The following SLC7A2 variants were observed in gnomAD, a reference collection of about 807,000 sequenced individuals.
The protein encoded by SLC7A2 is cationic amino acid transporter 2.
Under a neutral mutation model 58.9 loss-of-function variants are expected in SLC7A2, and 48 were observed. The observed-to-expected ratio is 0.82, with a 90% CI of 0.65 to 1.04. The LOEUF is 1.04. SLC7A2 is among the 50% of genes least tolerant of loss of function. SLC7A2 has a pLI of 0.00. For synonymous variants in SLC7A2, 363 were observed against 314.5 expected, an observed-to-expected ratio of 1.15 and a Z score of -1.63; for missense variants, 1,029 against 818.8, an observed-to-expected ratio of 1.26 and a Z score of -3.13.
intron 4 of SLC7A2, among the ~76,000 whole-genome samples, chr8:17,548,401 A>C (rs1268092144): frequency 1.8e-4 from 27 of 152,222 alleles, no homozygotes; most frequent in Admixed American, 1.8e-3. Context: ...TTTACCTATC[A>C]CTGGCAAAGA....
At chr8:17,548,632 G>A (rs1802290269) in intron 4 of SLC7A2, 46 bp from the exon 5 acceptor site, 1 of 1,440,272 alleles carries the variant, frequency 6.9e-7, no homozygotes, top group Non-Finnish European at 9.6e-7. Context: ...AAATGCTATT[G>A]CCTTTCCTAA....
Position 17,564,936 on chromosome 8 carries a change from T to C in SLC7A2, c.1781-14T>C. 1.9e-6 allele frequency: 3 copies of C among 1,553,234 alleles called. 1 individual carries two copies. The East Asian group carries it at 6.8e-5, about 35-fold the overall frequency. ...TACCTGAAACATTGATTTTTTTTTT[T>C]CCTGCCCCAACAGGCTTCCTGATTT... On this transcript the variant is annotated splice_polypyrimidine_tract_variant and intron_variant, in intron 12 of 12. Coordinates refer to ENST00000494857, the MANE Select transcript of SLC7A2 (RefSeq NM_001370338.1).
At chr8:17,550,860 A>G (rs983478255) in intron 6 of SLC7A2, among the ~76,000 whole-genome samples, 3 of 152,152 alleles carry the variant, frequency 2.0e-5, no homozygotes, top group African/African-American at 7.2e-5. Flanking sequence ...TTTCTATGTT[A>G]TCTTATACAA....
intron 4 of SLC7A2, among the ~76,000 whole-genome samples, chr8:17,548,237 T>C (rs1433796798): frequency 2.6e-5 from 4 of 152,068 alleles, no homozygotes; most frequent in African/African-American, 4.8e-5. Context: ...GCTACTCAGG[T>C]GGCTGAGGTG....
At chr8:17,533,181 G>T (rs974862857) in intron 2 of SLC7A2, among the ~76,000 whole-genome samples, 28 of 152,244 alleles carry the variant, frequency 1.8e-4, no homozygotes, top group African/African-American at 6.7e-4. Flanking sequence ...GTATGAACTT[G>T]CAAACTTCTC....
At chr8:17,518,459 G>A (rs1481656330) in intron 2 of SLC7A2, among the ~76,000 whole-genome samples, 1 of 152,142 alleles carries the variant, frequency 6.6e-6, no homozygotes, top group Non-Finnish European at 1.5e-5. Context: ...AGCTGCCTGT[G>A]CTTCACTTTC....
At chr8:17,535,651 C>T (rs1801632863) in intron 2 of SLC7A2, among the ~76,000 whole-genome samples, 1 of 152,112 alleles carries the variant, frequency 6.6e-6, no homozygotes, top group Admixed American at 6.5e-5. Context: ...GCCTGTAATC[C>T]CAGCACTTTG....
At chr8:17,564,664 T>C (rs1391438253) in intron 12 of SLC7A2, among the ~76,000 whole-genome samples, 3 of 152,132 alleles carry the variant, frequency 2.0e-5, no homozygotes, top group Non-Finnish European at 4.4e-5. Context: ...GAGAATCTAA[T>C]GCTGCCCTGC....
intron 8 of SLC7A2, 35 bp downstream of exon 8, chr8:17,554,734 G>C (rs200478858): frequency 3.3e-4 from 522 of 1,582,916 alleles, no homozygotes; most frequent in Middle Eastern, 6.8e-4. Flanking sequence ...AGAAACGGGG[G>C]ATCTTTTTCA....
chr8:17,570,471 T>C lies in SLC7A2; in HGVS notation c.*5325T>C, dbSNP rs1433241247. On this transcript the variant is annotated 3_prime_UTR_variant, in exon 13 of 13. Transcript: ENST00000494857. The stretch of plus-strand genomic sequence containing the variant: ...TTTTACTTATAAAGTTGGATTCTTT[T>C]TTAGAATTTGTAATAAATAAAAACT... The C allele has an allele frequency of 6.6e-6, 1 of 152,632 alleles. No individual in the cohort carries two copies. Among genetic ancestry groups the C allele is most frequent in the East Asian group, 1.9e-4 (1 of 5,196 alleles). 9.5% of individuals were successfully genotyped at this position (152,632 alleles called of 1,614,324 possible). A position where few individuals can be genotyped will look rare whatever the true frequency, so the allele number is the denominator to read the frequency against.
chr8:17,530,911 T>C (rs1801424996), intron 2 of SLC7A2, among the ~76,000 whole-genome samples: 1 of 152,196 alleles, frequency 6.6e-6, no homozygotes, highest in African/African-American at 2.4e-5. Context: ...AATCTCATTC[T>C]TTATATAATA....
chr8:17,547,215 T>C (rs1384656701), intron 4 of SLC7A2, among the ~76,000 whole-genome samples: 2 of 150,528 alleles, frequency 1.3e-5, no homozygotes, highest in African/African-American at 2.4e-5. Flanking sequence ...CTCACAGTCA[T>C]GGTGGAAGGT....
At position 17,544,748 on chromosome 8, in the gene SLC7A2, G is replaced by T. The variant is rs1802085263; in HGVS notation, c.532+142G>T. ...TTTATGTCACTGTTAGACATCTGTG[G>T]GGTTTATCACTGGCTGGAATCACAT... On this transcript the variant is annotated intron_variant, in intron 4 of 12. Transcript: ENST00000494857. 5.7e-6 allele frequency: 4 copies of T among 696,908 alleles called. No homozygotes were observed. The Admixed American group carries it at 9.1e-5, about 16-fold the overall frequency. 43.2% of individuals were successfully genotyped at this position (696,908 alleles called of 1,614,324 possible).
rs558607719 is a variant in SLC7A2 at position 17,531,528 on chromosome 8, C to A, written c.-22-11790C>A. On this transcript the variant is annotated intron_variant, in intron 2 of 12. Transcript: ENST00000494857. Reference sequence around the variant, plus strand: ...TTATGAATTATATTCTTTGTAAAACCTACTTTTCACACTTTATTTAAATAT... The same window carrying A: ...TTATGAATTATATTCTTTGTAAAACATACTTTTCACACTTTATTTAAATAT... 4.0e-3 allele frequency among the ~76,000 whole-genome samples: 611 copies of A among 152,052 alleles called. 5 individuals are homozygous for A. Among genetic ancestry groups the A allele is most frequent in the Non-Finnish European group, 7.0e-3 (476 of 67,974 alleles).
chr8:17,518,461 T>C (rs1800886945), intron 2 of SLC7A2, among the ~76,000 whole-genome samples: 1 of 152,170 alleles, frequency 6.6e-6, no homozygotes, highest in African/African-American at 2.4e-5. Context: ...CTGCCTGTGC[T>C]TCACTTTCTG....
chr8:17,546,048 G>T (rs1403714071), intron 4 of SLC7A2, among the ~76,000 whole-genome samples: 1 of 152,190 alleles, frequency 6.6e-6, no homozygotes, highest in Non-Finnish European at 1.5e-5. Flanking sequence ...AATGTCAAGA[G>T]AAGTTGCACC....
chr8:17,560,601 T>A, intron 10 of SLC7A2, 68 bp downstream of exon 10: 3 of 1,376,586 alleles, frequency 2.2e-6, no homozygotes, highest in Non-Finnish European at 2.1e-6. Context: ...TGGCATGATA[T>A]GAAAGAGAAA....
At chr8:17,545,500 C>G (rs145931888) in intron 4 of SLC7A2, among the ~76,000 whole-genome samples, 1 of 144,234 alleles carries the variant, frequency 6.9e-6, no homozygotes, top group Non-Finnish European at 1.5e-5. Flanking sequence ...CGGGTGCAAG[C>G]GATTCTTCTG....
Position 17,565,213 on chromosome 8 carries a change from G to C in SLC7A2, c.*67G>C. Reference sequence around the variant, plus strand: ...TCCTACACTGAGTAAACCGTAACGGGATGTCATCAGCATGCTGGGTTGTCA... The same window carrying C: ...TCCTACACTGAGTAAACCGTAACGGCATGTCATCAGCATGCTGGGTTGTCA... On this transcript the variant is annotated 3_prime_UTR_variant, in exon 13 of 13. Coordinates refer to ENST00000494857, the MANE Select transcript of SLC7A2 (RefSeq NM_001370338.1). The C allele has an allele frequency of 8.0e-7, 1 of 1,251,574 alleles. No homozygotes were observed. Among genetic ancestry groups the C allele is most frequent in the African/African-American group, 1.5e-5 (1 of 65,864 alleles). The allele number at this position is 1,251,574 out of a possible 1,614,324, so 77.5% of individuals were successfully genotyped here.
Sources: gnomAD v4.1 joint callset for allele counts (sites outside exome capture counted in the v4.1 genomes callset) on GRCh38, gnomAD v4.1.1 for gene constraint, MANE v1.5 for transcripts, NCBI Gene and HGNC (gene_info 2026-07-23, HGNC 2026-07-21) for gene names.